RPTOR: variants seen among roughly 807,000 people sequenced by gnomAD.
RPTOR encodes the protein regulatory associated protein of MTOR complex 1.
RPTOR carries 21 observed loss-of-function variants against 169.9 expected under a neutral mutation model. That is an observed-to-expected ratio of 0.12 (90% CI 0.09 to 0.18). The LOEUF is 0.18. RPTOR is among the 10% of genes least tolerant of loss of function. The pLI is 1.00. For missense variants in RPTOR, 1,133 were observed against 1,855.9 expected (o/e 0.61, Z 7.16); for synonymous variants, 732 against 753.2 (o/e 0.97, Z 0.46).
chr17:80,866,464 C>T (rs999271249), intron 13 of RPTOR, among the ~76,000 whole-genome samples: 1 of 151,938 alleles, frequency 6.6e-6, no homozygotes, highest in Non-Finnish European at 1.5e-5. Context: ...GAGACTAATA[C>T]GAAAGAAGAC....
At chr17:80,950,411 G>C (rs1053174990) in intron 28 of RPTOR, among the ~76,000 whole-genome samples, 2 of 152,148 alleles carry the variant, frequency 1.3e-5, no homozygotes, top group Non-Finnish European at 2.9e-5. Context: ...CCGCCCTTCT[G>C]TCTGAGCACC....
chr17:80,925,581 C>T (rs2068802469), intron 24 of RPTOR, 101 bp downstream of exon 24: 5 of 934,746 alleles, frequency 5.3e-6, no homozygotes, highest in Non-Finnish European at 6.8e-6. Flanking sequence ...GTGGGAGCGT[C>T]CCATTGTGGT....
intron 1 of RPTOR, among the ~76,000 whole-genome samples, chr17:80,564,685 T>C (rs569419708): frequency 1.5e-4 from 23 of 152,122 alleles, no homozygotes; most frequent in African/African-American, 5.1e-4. Flanking sequence ...CAGATTGTTT[T>C]GTCAGCCAGG....
intron 3 of RPTOR, among the ~76,000 whole-genome samples, chr17:80,645,701 C>G (rs2065589834): frequency 6.6e-6 from 1 of 152,166 alleles, no homozygotes; most frequent in Non-Finnish European, 1.5e-5. Flanking sequence ...AAATTTCTGT[C>G]TACGAGCAGA....
In RPTOR at chr17:80,964,701, C is replaced by A. The variant is rs2069402910; in HGVS notation, c.*371C>A. 1.0e-5 allele frequency: 3 copies of A among 297,788 alleles called. No individual in the cohort carries two copies. The East Asian group carries it at 1.5e-4, about 15-fold the overall frequency. 18.4% of individuals were successfully genotyped at this position (297,788 alleles called of 1,614,324 possible). On this transcript the variant is annotated 3_prime_UTR_variant, in exon 34 of 34. Transcript: ENST00000306801. The stretch of plus-strand genomic sequence containing the variant: ...CATTAGCTGCAGAAAAACCCCCCGA[C>A]AGAGCCCTGGCGGAGAGGCAGGCGC...
chr17:80,709,453 T>A (rs989402860), intron 4 of RPTOR, among the ~76,000 whole-genome samples: 1 of 152,176 alleles, frequency 6.6e-6, no homozygotes, highest in East Asian at 1.9e-4. Context: ...TCGCTGCTGA[T>A]ACGCTGGGCG....
chr17:80,785,767 T>C (rs1326590881), intron 6 of RPTOR, among the ~76,000 whole-genome samples: 1 of 152,052 alleles, frequency 6.6e-6, no homozygotes, highest in African/African-American at 2.4e-5. Flanking sequence ...ATGACAGTCA[T>C]GATGGGGATG....
intron 16 of RPTOR, among the ~76,000 whole-genome samples, 184 bp downstream of exon 16, chr17:80,884,156 C>G (rs2068215889): frequency 6.6e-6 from 1 of 152,220 alleles, no homozygotes; most frequent in South Asian, 2.1e-4. Context: ...GATTTTGCAC[C>G]CAGGCCCAGA....
chr17:80,869,516 G>C (rs2068029281), intron 13 of RPTOR, among the ~76,000 whole-genome samples: 1 of 152,148 alleles, frequency 6.6e-6, no homozygotes, highest in Non-Finnish European at 1.5e-5. Flanking sequence ...TTATTCTCAA[G>C]ACTAATGTGT....
At chr17:80,671,263 C>T (rs1182744997) in intron 3 of RPTOR, among the ~76,000 whole-genome samples, 8 of 152,082 alleles carry the variant, frequency 5.3e-5, no homozygotes, top group Non-Finnish European at 5.9e-5. Context: ...CCTCCAGGCT[C>T]GGCACAGTAG....
rs578176825 is a variant in RPTOR, at chr17:80,556,152, G to A, written c.162+10361G>A. Among the ~76,000 whole-genome samples, 180 of 152,054 alleles carry A rather than the reference G, an allele frequency of 1.2e-3. 1 individual carries two copies. Among genetic ancestry groups the A allele is most frequent in the Non-Finnish European group, 1.9e-3 (128 of 67,992 alleles). On this transcript the variant is annotated intron_variant, in intron 1 of 33. Transcript: ENST00000306801. ...ATGTGGCCACACAGCCACCGTCAGGGCCTCCTATTTCTCCAGAATTCTGTC... is the reference window on the plus strand; with the variant it reads ...ATGTGGCCACACAGCCACCGTCAGGACCTCCTATTTCTCCAGAATTCTGTC...
chr17:80,848,429 C>T (rs975840684), intron 11 of RPTOR, among the ~76,000 whole-genome samples: 1 of 152,254 alleles, frequency 6.6e-6, no homozygotes, highest in Admixed American at 6.5e-5. Context: ...TTAAGACTAT[C>T]CTGAGATTAC....
chr17:80,908,826 G>C lies in RPTOR; in HGVS notation c.2417G>C (p.Ser806Thr). The C allele has an allele frequency of 6.2e-7, 1 of 1,613,752 alleles. No individual in the cohort carries two copies. Among genetic ancestry groups the C allele is most frequent in the Non-Finnish European group, 8.5e-7 (1 of 1,179,614 alleles). The change falls in exon 21 of 34, where the codon AGT becomes ACT. Residue 806 changes from serine to threonine, a missense_variant. Around this residue, in one of 9 missense-constraint regions of RPTOR, gnomAD observed 1 missense variants for 20.9 expected, o/e 0.05. Transcript: ENST00000306801. ...LNSLIGVSFN[S>T]VYTQIWRVLL... is the part of the protein sequence containing the mutation. The stretch of plus-strand genomic sequence containing the variant: ...TCTCTCTCAGGAGTTTCCTTTAACA[G>C]TGTTTACACTCAGATTTGGAGAGTC...
intron 4 of RPTOR, among the ~76,000 whole-genome samples, chr17:80,722,416 G>A (rs1282717171): frequency 6.6e-6 from 1 of 150,906 alleles, no homozygotes; most frequent in Admixed American, 6.6e-5. Context: ...AATGGAATAG[G>A]CCCCTGACGA....
chr17:80,798,098 AG>A (rs2067118722), intron 7 of RPTOR, among the ~76,000 whole-genome samples: 2 of 152,228 alleles, frequency 1.3e-5, no homozygotes, highest in South Asian at 4.1e-4. Context: ...CGCTGGGACC[AG>A]GGTGCTTGAG....
At position 80,813,429 on chromosome 17, in the gene RPTOR, CAT is replaced by C. The variant is rs1411666099; in HGVS notation, c.891-8771_891-8770del. Among the ~76,000 whole-genome samples the C allele has an allele frequency of 5.9e-5, 9 of 152,306 alleles. No homozygotes were observed. In the South Asian group the frequency reaches 6.2e-4, roughly 11 times the overall value. ...AGAGTTGTATTTTTACAATGACCGA[CAT>C]GTGTGTGTGCTTTATGTGTAAGGTT... is the stretch of plus-strand genomic sequence containing the variant. On this transcript the variant is annotated intron_variant, in intron 7 of 33. Transcript: ENST00000306801.
At chr17:80,963,300 G>A (rs915139708) in intron 33 of RPTOR, among the ~76,000 whole-genome samples, 12 of 152,064 alleles carry the variant, frequency 7.9e-5, no homozygotes, top group Non-Finnish European at 1.3e-4. Context: ...CAGTGGCTGG[G>A]GCAAAGCTCC....
chr17:80,886,635 GC>G (rs2068249727), intron 17 of RPTOR, among the ~76,000 whole-genome samples: 1 of 152,256 alleles, frequency 6.6e-6, no homozygotes, highest in South Asian at 2.1e-4. Flanking sequence ...CCATCCCGTG[GC>G]CGGGCTGTGG....
At chr17:80,766,243 CTG>C (rs1031380894) in intron 6 of RPTOR, among the ~76,000 whole-genome samples, 2 of 152,084 alleles carry the variant, frequency 1.3e-5, no homozygotes, top group African/African-American at 4.8e-5. Flanking sequence ...TTTGTAGAGA[CTG>C]TGTCACCATG....
Sources: allele counts gnomAD v4.1 joint callset (sites outside exome capture counted in the v4.1 genomes callset), GRCh38; gene constraint gnomAD v4.1.1; regional missense constraint gnomAD v4.1.1; transcripts MANE v1.5; gene names NCBI Gene and HGNC (gene_info 2026-07-23, HGNC 2026-07-21).